The following NELL1 variants were observed in gnomAD, a reference collection of about 807,000 sequenced individuals.
The protein encoded by NELL1 is neural EGFL like 1, also known as protein kinase C-binding protein NELL1.
A neutral mutation model predicts 107.4 loss-of-function variants in NELL1; 76 were observed. The ratio of observed to expected loss-of-function variants is 0.71; its 90% confidence interval spans 0.59 to 0.86. The LOEUF is 0.86. NELL1 is among the 40% of genes least tolerant of loss of function. The pLI is 0.00. For synonymous variants in NELL1, 353 were observed against 341.2 expected, an observed-to-expected ratio of 1.03 and a Z score of -0.38; for missense variants, 1,024 against 1,005.5, an observed-to-expected ratio of 1.02 and a Z score of -0.25.
Position 21,053,854 on chromosome 11 carries a change from G to T in NELL1, c.1301-59735G>T, listed in dbSNP as rs574580174. On this transcript the variant is annotated intron_variant, in intron 12 of 19. Transcript: ENST00000357134. ...AGGCTGCAGGGTGCCTTTCTGGAGCGAATGTGTCTCTCTGATAAACCAGAT... is the reference window on the plus strand; with the variant it reads ...AGGCTGCAGGGTGCCTTTCTGGAGCTAATGTGTCTCTCTGATAAACCAGAT... Among the ~76,000 whole-genome samples, 7 of 152,234 alleles carry T rather than the reference G, an allele frequency of 4.6e-5. No individual in the cohort carries two copies. The East Asian group carries it at 5.8e-4, about 13-fold the overall frequency.
chr11:21,462,882 C>A (rs1006296551), intron 15 of NELL1, among the ~76,000 whole-genome samples: 40 of 151,906 alleles, frequency 2.6e-4, no homozygotes, highest in African/African-American at 9.7e-4. Flanking sequence ...AAAATAAATT[C>A]TCAAAAGTTG....
chr11:20,711,452 A>G (rs1855111883), intron 2 of NELL1, among the ~76,000 whole-genome samples: 1 of 151,642 alleles, frequency 6.6e-6, no homozygotes, highest in South Asian at 2.1e-4. Flanking sequence ...TTTTTTTCTC[A>G]TTGTGTTATT....
intron 3 of NELL1, among the ~76,000 whole-genome samples, chr11:20,798,444 C>A (rs993339495): frequency 6.6e-6 from 1 of 152,134 alleles, no homozygotes; most frequent in Non-Finnish European, 1.5e-5. Flanking sequence ...AGTATAAATT[C>A]ACAATTTCAT....
intron 13 of NELL1, among the ~76,000 whole-genome samples, chr11:21,158,199 C>A (rs1856286194): frequency 6.6e-6 from 1 of 152,140 alleles, no homozygotes; most frequent in Admixed American, 6.5e-5. Context: ...TTAGCCAGGG[C>A]CTCTTGGGCC....
At chr11:21,071,107 A>T (rs1430096350) in intron 12 of NELL1, among the ~76,000 whole-genome samples, 2 of 152,156 alleles carry the variant, frequency 1.3e-5, no homozygotes, top group African/African-American at 2.4e-5. Flanking sequence ...AGTCAGGGTG[A>T]CTTGGTTTTA....
intron 14 of NELL1, among the ~76,000 whole-genome samples, chr11:21,242,384 A>T (rs1253214429): frequency 2.0e-5 from 3 of 152,066 alleles, no homozygotes; most frequent in Non-Finnish European, 4.4e-5. Context: ...GACCATTATG[A>T]AAGCAGCACC....
At chr11:20,816,962 GA>G (rs1161316153) in intron 3 of NELL1, among the ~76,000 whole-genome samples, 1 of 152,070 alleles carries the variant, frequency 6.6e-6, no homozygotes, top group Non-Finnish European at 1.5e-5. Context: ...TGCATGCATT[GA>G]AACAACTGCA....
At chr11:21,313,844 G>A (rs1590828139) in intron 14 of NELL1, among the ~76,000 whole-genome samples, 2 of 152,084 alleles carry the variant, frequency 1.3e-5, no homozygotes, top group Non-Finnish European at 2.9e-5. Context: ...GTAATCCCTA[G>A]TATTGGAGGA....
At chr11:20,974,885 T>G (rs1007659900) in intron 12 of NELL1, among the ~76,000 whole-genome samples, 1 of 152,210 alleles carries the variant, frequency 6.6e-6, no homozygotes, top group African/African-American at 2.4e-5. Flanking sequence ...ACCTGATGCC[T>G]CAATCTACTT....
intron 14 of NELL1, among the ~76,000 whole-genome samples, chr11:21,365,710 G>C (rs187613558): frequency 2.6e-5 from 4 of 151,906 alleles, no homozygotes; most frequent in Non-Finnish European, 5.9e-5. Flanking sequence ...AATATGAAAA[G>C]CAAGTATTGT....
intron 13 of NELL1, 70 bp downstream of exon 13, chr11:21,113,784 T>C: frequency 1.3e-6 from 2 of 1,502,306 alleles, no homozygotes; most frequent in Non-Finnish European, 1.8e-6. Flanking sequence ...GTTATTATGT[T>C]TAATTCCTAG....
chr11:21,504,066 TTTTC>T (rs1855219332), intron 15 of NELL1: 1 of 152,232 alleles, frequency 6.6e-6, no homozygotes, highest in Admixed American at 6.5e-5. Context: ...TAACTTTTGA[TTTTC>T]TTTCTCTCTT....
chr11:20,700,115 C>A (rs1307503039), intron 2 of NELL1, among the ~76,000 whole-genome samples: 1 of 146,274 alleles, frequency 6.8e-6, no homozygotes, highest in Middle Eastern at 3.6e-3. Flanking sequence ...CATTACAGAA[C>A]TGTTTTTAGA....
At chr11:21,451,768 C>G (rs1359890029) in intron 15 of NELL1, among the ~76,000 whole-genome samples, 1 of 152,082 alleles carries the variant, frequency 6.6e-6, no homozygotes, top group African/African-American at 2.4e-5. Context: ...TGCTTTTCTT[C>G]CCTATGAAAT....
At chr11:21,031,690 G>C (rs1483416702) in intron 12 of NELL1, among the ~76,000 whole-genome samples, 1 of 151,432 alleles carries the variant, frequency 6.6e-6, no homozygotes, top group Admixed American at 6.6e-5. Context: ...TTTTTAAGTG[G>C]GGCATATTAC....
At chr11:21,282,726 T>C (rs936088696) in intron 14 of NELL1, among the ~76,000 whole-genome samples, 3 of 152,148 alleles carry the variant, frequency 2.0e-5, no homozygotes, top group Non-Finnish European at 2.9e-5. Flanking sequence ...TGTACTCTCA[T>C]GTTTGTCTCA....
intron 12 of NELL1, among the ~76,000 whole-genome samples, chr11:20,978,165 A>G (rs116106150): frequency 0.027 from 4,170 of 152,278 alleles, 181 homozygotes; most frequent in African/African-American, 0.094. Context: ...GTATCTTTTT[A>G]TACTGAATCC....
chr11:21,187,121 T>C (rs2133830967), intron 13 of NELL1, among the ~76,000 whole-genome samples: 1 of 152,026 alleles, frequency 6.6e-6, no homozygotes. Context: ...GTCTTTTTTT[T>C]GTCCATTTGC....
chr11:21,134,702 C>A (rs936663943), intron 13 of NELL1, among the ~76,000 whole-genome samples: 63 of 152,100 alleles, frequency 4.1e-4, no homozygotes, highest in African/African-American at 1.5e-3. Flanking sequence ...GTAGAGGAAG[C>A]CTTTTGGCAC....
Sources: allele counts gnomAD v4.1 joint callset (sites outside exome capture counted in the v4.1 genomes callset), GRCh38; gene constraint gnomAD v4.1.1; transcripts MANE v1.5; gene names NCBI Gene and HGNC (gene_info 2026-07-23, HGNC 2026-07-21).